Variants in SPAST observed in about 807,000 individuals in gnomAD.
The protein encoded by SPAST is spastin.
Under a neutral mutation model 76.6 loss-of-function variants are expected in SPAST, and 30 were observed. The observed-to-expected ratio is 0.39, with a 90% CI of 0.29 to 0.53. SPAST has a LOEUF of 0.53. Ranked by LOEUF, SPAST falls within the 20% of genes least tolerant of loss-of-function variation. SPAST has a pLI of 0.68. For missense variants in SPAST, 717 were observed against 770.5 expected, an observed-to-expected ratio of 0.93 and a Z score of 0.82; for synonymous variants, 305 against 281.0, an observed-to-expected ratio of 1.09 and a Z score of -0.86.
chr2:32,154,063 A>G (rs1352451435), intron 16 of SPAST, among the ~76,000 whole-genome samples: 5 of 152,136 alleles, frequency 3.3e-5, no homozygotes, highest in Non-Finnish European at 7.4e-5. Flanking sequence ...CTTTGTCTGT[A>G]TTTTTGAACT....
chr2:32,153,305 G>A (rs186158983), intron 16 of SPAST, among the ~76,000 whole-genome samples: 2 of 148,096 alleles, frequency 1.4e-5, no homozygotes, highest in Non-Finnish European at 3.0e-5. Flanking sequence ...ATGCCAAACT[G>A]CATTTTGCCT....
intron 7 of SPAST, among the ~76,000 whole-genome samples, chr2:32,117,612 A>G (rs966592023): frequency 1.3e-5 from 2 of 150,634 alleles, no homozygotes; most frequent in East Asian, 2.0e-4. Flanking sequence ...GCTCACTGCA[A>G]CCTCTGCCTT....
chr2:32,104,546 T>A (rs995453440), intron 4 of SPAST, among the ~76,000 whole-genome samples: 41 of 152,336 alleles, frequency 2.7e-4, no homozygotes, highest in African/African-American at 9.4e-4. Context: ...CTTCCTAGCC[T>A]CGATGGTCTT....
Position 32,119,314 on chromosome 2 carries a change from T to TA in SPAST, c.1098+3109dup, listed in dbSNP as rs543676353. Among the ~76,000 whole-genome samples, 47 of 152,278 alleles carry TA rather than the reference T, an allele frequency of 3.1e-4. 1 individual carries two copies. Among genetic ancestry groups the TA allele is most frequent in the South Asian group, 1.7e-3 (8 of 4,824 alleles). On this transcript the variant is annotated intron_variant, in intron 7 of 16. Coordinates refer to ENST00000315285, the MANE Select transcript of SPAST (RefSeq NM_014946.4). ...TATCCCATAACACGCCTCTATTGTGTAAAAAAATCAGCTTTATTCCTAATT... is the reference window on the plus strand; with the variant it reads ...TATCCCATAACACGCCTCTATTGTGTAAAAAAAATCAGCTTTATTCCTAATT...
intron 3 of SPAST, among the ~76,000 whole-genome samples, chr2:32,095,194 C>T (rs1053031999): frequency 6.6e-5 from 10 of 151,980 alleles, no homozygotes; most frequent in Non-Finnish European, 1.3e-4. Context: ...AGTTGAAGGT[C>T]GAACAACTAG....
chr2:32,113,506 C>T (rs2148731749), intron 4 of SPAST, among the ~76,000 whole-genome samples: 1 of 151,438 alleles, frequency 6.6e-6, no homozygotes, highest in East Asian at 1.9e-4. Context: ...CATCCTATCC[C>T]TAATGCCTTT....
intron 13 of SPAST, among the ~76,000 whole-genome samples, chr2:32,142,213 T>C (rs1444760818): frequency 6.6e-6 from 1 of 152,156 alleles, no homozygotes; most frequent in Non-Finnish European, 1.5e-5. Flanking sequence ...CTACAAATGA[T>C]CTAAAATGTT....
Position 32,154,363 on chromosome 2 carries a change from T to A in SPAST, c.1729-11T>A, listed in dbSNP as rs1680182911. The A allele has an allele frequency of 6.2e-7, 1 of 1,611,752 alleles. No homozygotes were observed. Among genetic ancestry groups the A allele is most frequent in the Non-Finnish European group, 8.5e-7 (1 of 1,177,866 alleles). ...ATCATTTGTATTGTCATGTGCTTTT[T>A]AAAAATCTAGATGAGAAATATTCGA... On this transcript the variant is annotated splice_polypyrimidine_tract_variant and intron_variant, in intron 16 of 16. Coordinates refer to ENST00000315285, the MANE Select transcript of SPAST (RefSeq NM_014946.4).
Position 32,113,365 on chromosome 2 carries a change from G to A in SPAST, c.683-1273G>A, listed in dbSNP as rs143272442. On this transcript the variant is annotated intron_variant, in intron 4 of 16. Coordinates refer to ENST00000315285, the MANE Select transcript of SPAST (RefSeq NM_014946.4). ...CTCCCAAAATGCTGGGATTACAGGCGTGAGCTACTGCACCCGGCCTAAAAT... is the reference window on the plus strand; with the variant it reads ...CTCCCAAAATGCTGGGATTACAGGCATGAGCTACTGCACCCGGCCTAAAAT... Among the ~76,000 whole-genome samples, 1,355 of 151,718 alleles carry A rather than the reference G, an allele frequency of 8.9e-3. 24 individuals carry two copies. The highest frequency in any genetic ancestry group is 0.049 in the South Asian group (235 of 4,806).
chr2:32,067,457 C>A (rs530731889), intron 1 of SPAST, among the ~76,000 whole-genome samples: 2 of 151,994 alleles, frequency 1.3e-5, no homozygotes, highest in African/African-American at 4.8e-5. Context: ...AAATAAAAGA[C>A]CCTGAGCTCT....
chr2:32,075,338 GT>G (rs1274117341), intron 1 of SPAST, among the ~76,000 whole-genome samples: 1 of 149,214 alleles, frequency 6.7e-6, no homozygotes, highest in African/African-American at 2.5e-5. Flanking sequence ...AGGCAGGAGA[GT>G]GGCGAGAACC....
In SPAST at chr2:32,064,263, G is replaced by C. The variant is rs748969302; in HGVS notation, c.415+17G>C. 6.5e-7 allele frequency: 1 copy of C among 1,537,814 alleles called. No homozygotes were observed. Among genetic ancestry groups the C allele is most frequent in the Admixed American group, 2.0e-5 (1 of 49,958 alleles). On this transcript the variant is annotated intron_variant, in intron 1 of 16. Coordinates refer to ENST00000315285, the MANE Select transcript of SPAST (RefSeq NM_014946.4). The stretch of plus-strand genomic sequence containing the variant: ...ATGAGAAAGGTAACTAGGGGGCTGG[G>C]GGAGGGGGCGGCGGCGCCGGGAAGA...
At chr2:32,143,209 A>G (rs1203718979) in intron 13 of SPAST, 127 bp from the exon 14 acceptor site, 1 of 629,066 alleles carries the variant, frequency 1.6e-6, no homozygotes, top group Non-Finnish European at 2.9e-6. Flanking sequence ...TCGAGGCTAT[A>G]GTGAGCTATG....
chr2:32,136,165 T>G (rs1219205822), intron 9 of SPAST, among the ~76,000 whole-genome samples: 1 of 152,244 alleles, frequency 6.6e-6, no homozygotes, highest in Non-Finnish European at 1.5e-5. Context: ...AAGTTTTGTT[T>G]AGGAGAGCAC....
chr2:32,076,901 A>G (rs1676982948), intron 1 of SPAST, among the ~76,000 whole-genome samples: 2 of 151,690 alleles, frequency 1.3e-5, no homozygotes, highest in Admixed American at 1.3e-4. Context: ...TCTGAGACAG[A>G]GTCTCGTTGT....
intron 16 of SPAST, among the ~76,000 whole-genome samples, chr2:32,148,496 AC>A: frequency 6.6e-6 from 1 of 151,378 alleles, no homozygotes; most frequent in Admixed American, 6.6e-5. Context: ...ACATGGTGAA[AC>A]CCTGTCTCTA....
chr2:32,070,776 T>G (rs1314569692), intron 1 of SPAST, among the ~76,000 whole-genome samples: 1 of 152,200 alleles, frequency 6.6e-6, no homozygotes, highest in Non-Finnish European at 1.5e-5. Context: ...TCTACAGACA[T>G]ATACCACCAT....
chr2:32,149,668 C>G (rs956449253), intron 16 of SPAST, among the ~76,000 whole-genome samples: 1 of 152,062 alleles, frequency 6.6e-6, no homozygotes, highest in African/African-American at 2.4e-5. Context: ...TTATTATTCC[C>G]TAAACAATAT....
intron 4 of SPAST, among the ~76,000 whole-genome samples, chr2:32,108,217 C>G (rs1466487336): frequency 2.0e-5 from 3 of 152,074 alleles, no homozygotes; most frequent in East Asian, 1.9e-4. Context: ...AAATAATATT[C>G]TAAAGTTGAA....
Sources: allele counts gnomAD v4.1 joint callset (sites outside exome capture counted in the v4.1 genomes callset), GRCh38; gene constraint gnomAD v4.1.1; transcripts MANE v1.5; gene names NCBI Gene and HGNC (gene_info 2026-07-23, HGNC 2026-07-21).